Variants in ETS1 observed in about 807,000 individuals in gnomAD.
ETS1 encodes protein C-ets-1.
In ETS1, 15 loss-of-function variants were observed where a neutral mutation model predicts 58.6. The ratio of observed to expected loss-of-function variants is 0.26; its 90% CI spans 0.17 to 0.39. ETS1 has a LOEUF of 0.39. Ranked by LOEUF, ETS1 falls within the 10% of genes least tolerant of loss-of-function variation. The probability of loss-of-function intolerance (pLI) is 1.00; values close to 1 mark genes in which losing one functional copy is unlikely to be tolerated. For missense variants in ETS1, 417 were observed against 610.5 expected (o/e 0.68, Z 3.34); for synonymous variants, 214 against 218.2 (o/e 0.98, Z 0.17).
chr11:128,568,079 A>G lies in ETS1; in HGVS notation c.69+4983T>C, dbSNP rs188572994. Among the ~76,000 whole-genome samples the G allele has an allele frequency of 5.8e-3, 887 of 152,326 alleles. 9 individuals carry two copies. The highest frequency in any genetic ancestry group is 0.019 in the African/African-American group (791 of 41,564). On this transcript the variant is annotated intron_variant, in intron 2 of 9. Coordinates refer to ENST00000392668, the MANE Select transcript of ETS1 (RefSeq NM_001143820.2). ...ATAGGTGCCTTCCCTGAGGTGGAGCACAGTGGGCCACTCCTGCCCGAGCAT... is the reference window on the plus strand; with the variant it reads ...ATAGGTGCCTTCCCTGAGGTGGAGCGCAGTGGGCCACTCCTGCCCGAGCAT...
At chr11:128,462,682 G>T in intron 9 of ETS1, 106 bp from the exon 10 acceptor site, 1 of 785,218 alleles carries the variant, frequency 1.3e-6, no homozygotes, top group Non-Finnish European at 2.1e-6. Context: ...GGTGACCCAT[G>T]ATGCTCAAGT....
chr11:128,520,033 A>C (rs1307589632), intron 3 of ETS1, among the ~76,000 whole-genome samples: 6 of 152,266 alleles, frequency 3.9e-5, no homozygotes, highest in Non-Finnish European at 8.8e-5. Context: ...GTTCACATAC[A>C]AAAGATGACC....
intron 3 of ETS1, among the ~76,000 whole-genome samples, chr11:128,543,382 C>G (rs986365803): frequency 6.6e-6 from 1 of 152,134 alleles, no homozygotes; most frequent in Non-Finnish European, 1.5e-5. Context: ...GCAGAACTTT[C>G]CCTTCTGTTA....
intron 1 of ETS1, among the ~76,000 whole-genome samples, chr11:128,582,477 A>G (rs1475818606): frequency 1.3e-5 from 2 of 152,314 alleles, no homozygotes; most frequent in East Asian, 3.9e-4. Context: ...ATGCTTACTA[A>G]TGTCACTAAT....
intron 3 of ETS1, among the ~76,000 whole-genome samples, chr11:128,497,324 G>C (rs1370825787): frequency 6.6e-6 from 1 of 152,202 alleles, no homozygotes; most frequent in Non-Finnish European, 1.5e-5. Flanking sequence ...CCTCTCCCCA[G>C]AGGGAAGCTG....
intron 3 of ETS1, among the ~76,000 whole-genome samples, chr11:128,515,123 C>G (rs1863487614): frequency 6.6e-6 from 1 of 151,652 alleles, no homozygotes; most frequent in Non-Finnish European, 1.5e-5. Context: ...TTTTTTGCCC[C>G]TTTTCAGCCC....
intron 3 of ETS1, among the ~76,000 whole-genome samples, chr11:128,517,845 C>T (rs1863566651): frequency 6.6e-6 from 1 of 152,024 alleles, no homozygotes. Flanking sequence ...ACAGGGTGGT[C>T]TGGCCTCTTT....
intron 5 of ETS1, among the ~76,000 whole-genome samples, chr11:128,486,997 C>CT (rs1862651392): frequency 6.6e-6 from 1 of 152,212 alleles, no homozygotes; most frequent in East Asian, 1.9e-4. Context: ...GGAGCAAAGT[C>CT]TGATGGGAAA....
Position 128,490,365 on chromosome 11 carries a change from T to G in ETS1, c.334+92A>C, listed in dbSNP as rs1028671927. The G allele has an allele frequency of 2.2e-6, 3 of 1,354,396 alleles. No individual in the cohort carries two copies. The East Asian group carries it at 6.9e-5, about 31-fold the overall frequency. The allele number at this position is 1,354,396 out of a possible 1,614,324, so 83.9% of individuals were successfully genotyped here. A position where few individuals can be genotyped will look rare whatever the true frequency, so the allele number is the denominator to read the frequency against. On this transcript the variant is annotated intron_variant, in intron 4 of 9. Transcript: ENST00000392668. ...TAGCTGCTGACTCCAATGTGGTTAGTGTAACGTCTGCCTCACACACTCCAG... is the reference window on the plus strand; with the variant it reads ...TAGCTGCTGACTCCAATGTGGTTAGGGTAACGTCTGCCTCACACACTCCAG...
intron 1 of ETS1, among the ~76,000 whole-genome samples, chr11:128,585,168 G>GAAAGAAAGAGAA (rs1181258711): frequency 1.2e-4 from 1 of 8,368 alleles, no homozygotes; most frequent in Non-Finnish European, 1.9e-4. Context: ...AAGAAAGAAA[G>GAAAGAAAGAGAA]AGAAAGAAAG....
At chr11:128,573,865 T>C (rs1864688617) in intron 1 of ETS1, among the ~76,000 whole-genome samples, 3 of 152,192 alleles carry the variant, frequency 2.0e-5, no homozygotes, top group Admixed American at 1.3e-4. Flanking sequence ...TTACACACTT[T>C]CATAAACTTA....
chr11:128,480,121 A>G, intron 8 of ETS1, 70 bp downstream of exon 8: 8 of 1,581,252 alleles, frequency 5.1e-6, no homozygotes, highest in Non-Finnish European at 6.9e-6. Flanking sequence ...AGAGGTGCAG[A>G]GTGCCTTCCA....
At chr11:128,508,769 A>G (rs978776513) in intron 3 of ETS1, among the ~76,000 whole-genome samples, 1 of 152,284 alleles carries the variant, frequency 6.6e-6, no homozygotes, top group Non-Finnish European at 1.5e-5. Flanking sequence ...ACAGGAATTT[A>G]GAGAAGATTC....
intron 3 of ETS1, among the ~76,000 whole-genome samples, chr11:128,548,036 G>C (rs562750090): frequency 2.0e-5 from 3 of 148,984 alleles, no homozygotes; most frequent in South Asian, 4.3e-4. Flanking sequence ...AGACAGTGAA[G>C]ATGGAACCTG....
Position 128,480,419 on chromosome 11 carries a change from T to A in ETS1, c.895A>T (p.Ile299Leu), listed in dbSNP as rs1426055153. The A allele has an allele frequency of 6.2e-7, 1 of 1,613,598 alleles. No homozygotes were observed. The highest frequency in any genetic ancestry group is 1.1e-5 in the South Asian group (1 of 91,072). ...KLGGQDSFES[I>L]ESYDSCDRLT... ...CGATCACAACTATCGTAGCTCTCTA[T>A]GCTTTCAAAAGAGTCCTGGCCCCCG... Residue 299 changes from isoleucine to leucine, a missense_variant, in exon 8 of 10, where the codon ATA (isoleucine) becomes TTA (leucine). Ile to Leu is a conservative substitution (Grantham distance 5). Around this residue, in one of 4 missense-constraint regions of ETS1, gnomAD observed 139 missense variants for 152.1 expected, o/e 0.91. Transcript: ENST00000392668.
At chr11:128,584,054 G>C (rs1368770165) in intron 1 of ETS1, among the ~76,000 whole-genome samples, 2 of 152,128 alleles carry the variant, frequency 1.3e-5, no homozygotes, top group Non-Finnish European at 2.9e-5. Context: ...TAAAAATGGA[G>C]TTTACATATT....
intron 1 of ETS1, 37 bp from the exon 2 acceptor site, chr11:128,573,181 C>T: frequency 6.9e-7 from 1 of 1,453,076 alleles, no homozygotes; most frequent in Non-Finnish European, 9.5e-7. Flanking sequence ...CCTCTGGATG[C>T]TCACAGGTTT....
At chr11:128,480,996 G>A (rs1251983618) in intron 7 of ETS1, among the ~76,000 whole-genome samples, 1 of 152,174 alleles carries the variant, frequency 6.6e-6, no homozygotes, top group Non-Finnish European at 1.5e-5. Context: ...TTGGAACTAA[G>A]TGCTATTTTT....
rs1862595710 is a variant in ETS1 at position 128,485,213 on chromosome 11, T to G, written c.614-142A>C. The G allele has an allele frequency of 2.2e-5, 16 of 714,560 alleles. No homozygotes were observed. The South Asian group carries it at 3.6e-4, about 16-fold the overall frequency. The allele number at this position is 714,560 out of a possible 1,614,324, so 44.3% of individuals were successfully genotyped here. A position where few individuals can be genotyped will look rare whatever the true frequency, so the allele number is the denominator to read the frequency against. ...TACTTTAAATCAGAAAAGCTTGCAT[T>G]TTTAACCTTGTCCACTACTAAACAG... On this transcript the variant is annotated intron_variant, in intron 6 of 9. Transcript: ENST00000392668.
Sources: gnomAD v4.1 joint callset for allele counts (sites outside exome capture counted in the v4.1 genomes callset) on GRCh38, gnomAD v4.1.1 for gene constraint, gnomAD v4.1.1 regional missense constraint, MANE v1.5 for transcripts, NCBI Gene and HGNC (gene_info 2026-07-23, HGNC 2026-07-21) for gene names.